Variants in WDR27 observed in about 807,000 individuals in gnomAD.
WDR27 encodes the protein WD repeat domain 27, also known as WD repeat-containing protein 27.
A neutral mutation model predicts 114.4 loss-of-function variants in WDR27; 100 were observed. The ratio of observed to expected loss-of-function variants is 0.87; its 90% confidence interval spans 0.74 to 1.03. The LOEUF is 1.03. Ranked by LOEUF, WDR27 falls within the 50% of genes least tolerant of loss-of-function variation. WDR27 has a pLI of 0.00. For missense variants in WDR27, 1,129 were observed against 1,092.9 expected (o/e 1.03, Z -0.47); for synonymous variants, 449 against 423.1 (o/e 1.06, Z -0.75).
intron 25 of WDR27, among the ~76,000 whole-genome samples, chr6:169,540,524 A>G (rs146501278): frequency 0.016 from 2,473 of 151,450 alleles, 64 homozygotes; most frequent in African/African-American, 0.057. Flanking sequence ...CTGCCTCCCG[A>G]GTTCAAGCAA....
chr6:169,441,526 A>G, the WDR27 span, among the ~76,000 whole-genome samples: 1 of 152,112 alleles, frequency 6.6e-6, no homozygotes, highest in Non-Finnish European at 1.5e-5. Context: ...GACACTATCA[A>G]CCAGCTGCCA....
chr6:169,438,196 C>T, the WDR27 span, among the ~76,000 whole-genome samples: 13 of 151,722 alleles, frequency 8.6e-5, no homozygotes, highest in East Asian at 3.9e-4. Context: ...AGTTGTTCTA[C>T]GCAACCAGGC....
At chr6:169,655,076 C>G (rs1457503894) in intron 13 of WDR27, among the ~76,000 whole-genome samples, 1 of 152,218 alleles carries the variant, frequency 6.6e-6, no homozygotes, top group African/African-American at 2.4e-5. Context: ...GGTTTTCTGC[C>G]GCCCTGTGGT....
intron 1 of WDR27, among the ~76,000 whole-genome samples, chr6:169,690,038 G>C (rs1384749600): frequency 6.6e-6 from 1 of 151,902 alleles, no homozygotes; most frequent in African/African-American, 2.4e-5. Flanking sequence ...CCACCCATGA[G>C]GCCCTCATGC....
chr6:169,698,035 C>T lies in WDR27; in HGVS notation c.-8+3516G>A, dbSNP rs937307519. Among the ~76,000 whole-genome samples, 5 of 152,150 alleles carry T rather than the reference C, an allele frequency of 3.3e-5. No individual in the cohort carries two copies. In the East Asian group the frequency reaches 9.6e-4, roughly 29 times the overall value. ...TGAGTGCATAGTAAAGAAATAACAC[C>T]ATGACTCACTAGTATGAAGAGTTCA... On this transcript the variant is annotated intron_variant, in intron 1 of 25. Transcript: ENST00000448612.
intron 2 of WDR27, among the ~76,000 whole-genome samples, chr6:169,683,640 G>A (rs963350808): frequency 3.3e-5 from 5 of 152,164 alleles, no homozygotes; most frequent in Non-Finnish European, 7.4e-5. Context: ...GTGACTGGAA[G>A]TCCAGGAGAG....
chr6:169,630,981 T>C (rs1347929027), intron 21 of WDR27, among the ~76,000 whole-genome samples: 2 of 152,226 alleles, frequency 1.3e-5, no homozygotes, highest in Non-Finnish European at 2.9e-5. Flanking sequence ...ATTTAAAAGA[T>C]CTTACTGCGA....
chr6:169,519,400 AG>A (rs35532554), intron 25 of WDR27, among the ~76,000 whole-genome samples: 2 of 152,340 alleles, frequency 1.3e-5, no homozygotes, highest in African/African-American at 4.8e-5. Flanking sequence ...CAGGATATAC[AG>A]GAAGCATGGC....
intron 25 of WDR27, among the ~76,000 whole-genome samples, chr6:169,486,141 G>A (rs1449540506): frequency 6.6e-6 from 1 of 150,806 alleles, no homozygotes; most frequent in African/African-American, 2.4e-5. Context: ...ATGTACCCCT[G>A]AACTTAAAAA....
In WDR27 at chr6:169,701,904, C is replaced by T. The variant is rs1391532342; in HGVS notation, c.-361G>A. The T allele has an allele frequency of 5.9e-6, 2 of 341,790 alleles. No individual in the cohort carries two copies. The highest frequency in any genetic ancestry group is 4.2e-5 in the South Asian group (2 of 47,208). 21.2% of individuals were successfully genotyped at this position (341,790 alleles called of 1,614,324 possible). ...GGCGCCGACTCCGCGCCGAGACCAGCCCGCTAGGGGAGGACTCACAGCACC... is the reference window on the plus strand; with the variant it reads ...GGCGCCGACTCCGCGCCGAGACCAGTCCGCTAGGGGAGGACTCACAGCACC... On this transcript the variant is annotated 5_prime_UTR_variant, in exon 1 of 26. Coordinates refer to ENST00000448612, the MANE Select transcript of WDR27 (RefSeq NM_182552.5).
intron 25 of WDR27, among the ~76,000 whole-genome samples, chr6:169,505,596 G>A (rs1791906446): frequency 6.6e-6 from 1 of 152,172 alleles, no homozygotes; most frequent in African/African-American, 2.4e-5. Context: ...ATAGTCCTCA[G>A]ACCAGAAACA....
chr6:169,598,769 AG>A (rs1284116327), intron 23 of WDR27, among the ~76,000 whole-genome samples: 1 of 152,192 alleles, frequency 6.6e-6, no homozygotes, highest in Non-Finnish European at 1.5e-5. Flanking sequence ...ACCCTGCAGA[AG>A]GGGCCAGCCC....
chr6:169,658,381 G>A (rs941227691), intron 12 of WDR27, 23 bp from the exon 13 acceptor site: 2 of 1,555,158 alleles, frequency 1.3e-6, no homozygotes, highest in African/African-American at 1.4e-5. Flanking sequence ...CAAGCCCCAT[G>A]AAACTAGGAG....
At chr6:169,620,314 T>C (rs1310660006) in intron 21 of WDR27, among the ~76,000 whole-genome samples, 6 of 152,138 alleles carry the variant, frequency 3.9e-5, no homozygotes, top group Admixed American at 1.3e-4. Flanking sequence ...CTAAGTAAGA[T>C]AGCTACAAAG....
chr6:169,545,825 C>T (rs1345573191), intron 25 of WDR27, among the ~76,000 whole-genome samples: 1 of 151,914 alleles, frequency 6.6e-6, no homozygotes, highest in Non-Finnish European at 1.5e-5. Context: ...TATATATGCA[C>T]ACATACATAT....
In WDR27 at chr6:169,529,534, C is replaced by G. The variant is rs150979981; in HGVS notation, c.2645+42885G>C. Among the ~76,000 whole-genome samples, 40 of 152,258 alleles carry G rather than the reference C, an allele frequency of 2.6e-4. 1 individual carries two copies. The East Asian group carries it at 6.4e-3, about 24-fold the overall frequency. ...ATTTCCCATAAAATAAATGCATATT[C>G]TACAAAGACTCTACTAAGAATAGAG... On this transcript the variant is annotated intron_variant, in intron 25 of 25. Transcript: ENST00000448612.
rs1786614838 is a variant in WDR27 at position 169,472,848 on chromosome 6, G to C, written c.2646-15214C>G. The stretch of plus-strand genomic sequence containing the variant: ...GTCCCAAAATAAATTTACCCTCATA[G>C]ACATGTCAAATTTAAAATTTCTCCT... On this transcript the variant is annotated intron_variant, in intron 25 of 25. Coordinates refer to ENST00000448612, the MANE Select transcript of WDR27 (RefSeq NM_182552.5). Among the ~76,000 whole-genome samples, 7 of 152,228 alleles carry C rather than the reference G, an allele frequency of 4.6e-5. No homozygotes were observed. In the South Asian group the frequency reaches 1.2e-3, roughly 27 times the overall value.
intron 21 of WDR27, among the ~76,000 whole-genome samples, chr6:169,632,015 T>C (rs1041404110): frequency 6.6e-6 from 1 of 151,798 alleles, no homozygotes; most frequent in African/African-American, 2.4e-5. Flanking sequence ...TGAAACTCCA[T>C]CTCTACTAAA....
intron 25 of WDR27, among the ~76,000 whole-genome samples, chr6:169,471,425 AT>A (rs1259128061): frequency 6.6e-6 from 1 of 152,052 alleles, no homozygotes; most frequent in Non-Finnish European, 1.5e-5. Flanking sequence ...AGTAGATTTT[AT>A]TTTTTTAAAT....
Sources: allele counts gnomAD v4.1 joint callset (sites outside exome capture counted in the v4.1 genomes callset), GRCh38; gene constraint gnomAD v4.1.1; transcripts MANE v1.5; gene names NCBI Gene and HGNC (gene_info 2026-07-23, HGNC 2026-07-21).